Variants in ZNF154 observed in about 807,000 individuals in gnomAD.
ZNF154 encodes zinc finger protein 154, also known as zinc finger protein 154 (pHZ-92).
In ZNF154, 6 loss-of-function variants were observed where a neutral mutation model predicts 7.5. The ratio of observed to expected loss-of-function variants is 0.80; its 90% confidence interval spans 0.44 to 1.57. The LOEUF (loss-of-function observed/expected upper bound fraction) is 1.57. Among genes scored for constraint, ZNF154 ranks in the 40% most tolerant of loss-of-function variants. The pLI is 0.01. For synonymous variants in ZNF154, 187 were observed against 185.9 expected (o/e 1.01, Z -0.05); for missense variants, 485 against 531.4 (o/e 0.91, Z 0.86).
Position 57,702,669 on chromosome 19 carries a change from C to G in ZNF154, c.280G>C (p.Val94Leu). Residue 94 changes from valine to leucine, a missense_variant, in exon 3 of 3, where the codon GTT becomes CTT. Physicochemically the swap from Val to Leu is conservative, Grantham distance 32. Transcript: ENST00000684351. ...AACTTGGCCAGGAAGTCCTTCCCAA[C>G]TTCTCTGCAGGTGGAAGGCTCCCCT... ...VSGEPSTCRE[V>L]GKDFLAKLGF... 5.0e-6 allele frequency: 8 copies of G among 1,614,058 alleles called. No individual in the cohort carries two copies. Among genetic ancestry groups the G allele is most frequent in the Non-Finnish European group, 6.8e-6 (8 of 1,180,034 alleles).
intron 1 of ZNF154, among the ~76,000 whole-genome samples, chr19:57,706,513 CAA>C (rs1985400415): frequency 6.6e-6 from 1 of 152,198 alleles, no homozygotes; most frequent in Non-Finnish European, 1.5e-5. Context: ...TAGGCCCCAT[CAA>C]AGTCATCAAA....
chr19:57,707,614 C>G (rs1985444813), intron 1 of ZNF154, among the ~76,000 whole-genome samples: 1 of 152,158 alleles, frequency 6.6e-6, no homozygotes, highest in South Asian at 2.1e-4. Flanking sequence ...GATCACCTCC[C>G]TCTTGTAACC....
At chr19:57,707,642 C>G (rs983923318) in intron 1 of ZNF154, among the ~76,000 whole-genome samples, 1 of 152,166 alleles carries the variant, frequency 6.6e-6, no homozygotes, top group Non-Finnish European at 1.5e-5. Context: ...CTCATTACCT[C>G]CAGAATAGGT....
At position 57,701,914 on chromosome 19, in the gene ZNF154, A is replaced by G. The variant is rs759313525; in HGVS notation, c.1035T>C (p.Leu345=). The G allele has an allele frequency of 4.3e-6, 7 of 1,613,640 alleles. No individual in the cohort carries two copies. The African/African-American group carries it at 5.4e-5, about 12-fold the overall frequency. The part of the protein sequence containing the change: ...GKSFSQRSAL[L]QHRGVHTGER... The stretch of plus-strand genomic sequence containing the variant: ...CCCCAGTGTGAACTCCCCGATGTTG[A>G]AGGAGTGCAGACCTTTGGCTAAAGG... The change falls in exon 3 of 3, where the codon CTT becomes CTC. Residue 345 remains leucine, a synonymous_variant. Transcript: ENST00000684351.
Position 57,701,590 on chromosome 19 carries a change from T to C in ZNF154, c.*45A>G, listed in dbSNP as rs774634462. Reference sequence around the variant, plus strand: ...ATTCACTGTGTACTCAAGGACTTTCTCCAGGGTGCTAACAGATTTTCCACA... The same window carrying C: ...ATTCACTGTGTACTCAAGGACTTTCCCCAGGGTGCTAACAGATTTTCCACA... On this transcript the variant is annotated 3_prime_UTR_variant, in exon 3 of 3. Transcript: ENST00000684351. 2.0e-5 allele frequency: 31 copies of C among 1,580,322 alleles called. 2 individuals carry two copies. In the South Asian group the frequency reaches 3.6e-4, roughly 18 times the overall value.
rs541124184 is a variant in ZNF154 at position 57,696,336 on chromosome 19, A to G, written c.*5299T>C. Among the ~76,000 whole-genome samples, 6 of 152,196 alleles carry G rather than the reference A, an allele frequency of 3.9e-5. No homozygotes were observed. The East Asian group carries it at 1.2e-3, about 29-fold the overall frequency. On this transcript the variant is annotated 3_prime_UTR_variant, in exon 3 of 3. Coordinates refer to ENST00000684351, the MANE Select transcript of ZNF154 (RefSeq NM_001085384.3). The stretch of plus-strand genomic sequence containing the variant: ...ATTTCTCTTTCTCTTGTACCTTAAG[A>G]CCTGCCTGGATCAGGTAAATGATAA...
chr19:57,702,456 C>T lies in ZNF154; in HGVS notation c.493G>A (p.Glu165Lys). 6.2e-7 allele frequency: 1 copy of T among 1,614,226 alleles called. No homozygotes were observed. Among genetic ancestry groups the T allele is most frequent in the Non-Finnish European group, 8.5e-7 (1 of 1,180,032 alleles). ...LTTERCYICS[E>K]CGKSFSKSYS... is the part of the protein sequence containing the mutation. Reference sequence around the variant, plus strand: ...CTTTTGCTAAAGGATTTCCCACATTCACTGCATATGTAACATCTTTCTGTA... The same window carrying T: ...CTTTTGCTAAAGGATTTCCCACATTTACTGCATATGTAACATCTTTCTGTA... The change falls in exon 3 of 3, where the codon GAA (glutamate) becomes AAA (lysine). Residue 165 changes from glutamate to lysine, a missense_variant. Glu to Lys is a moderately conservative substitution (Grantham distance 56, BLOSUM62 1). Transcript: ENST00000684351.
chr19:57,708,837 C>T, intron 1 of ZNF154, 102 bp downstream of exon 1: 1 of 1,494,920 alleles, frequency 6.7e-7, no homozygotes, highest in Non-Finnish European at 9.1e-7. Context: ...GCCTCAGTGT[C>T]CCCGACCCTG....
In ZNF154 at chr19:57,702,084, T is replaced by C. The variant is rs1985177504; in HGVS notation, c.865A>G (p.Ile289Val). The change falls in exon 3 of 3, where the codon ATA becomes GTA. Residue 289 changes from isoleucine to valine, a missense_variant. Coordinates refer to ENST00000684351, the MANE Select transcript of ZNF154 (RefSeq NM_001085384.3). ...CCACTGTGAACTTTCTGGTGTTTTATGAGACTGGAATGATATGTAAAAAAC... is the reference window on the plus strand; with the variant it reads ...CCACTGTGAACTTTCTGGTGTTTTACGAGACTGGAATGATATGTAAAAAAC... Reference protein sequence around the residue: ...GKFFTYHSSLIKHQKVHSGSR... With the variant: ...GKFFTYHSSLVKHQKVHSGSR... 1.9e-6 allele frequency: 3 copies of C among 1,611,670 alleles called. No individual in the cohort carries two copies. The highest frequency in any genetic ancestry group is 4.5e-5 in the East Asian group (2 of 44,790).
Position 57,705,753 on chromosome 19 carries a change from CA to C in ZNF154, c.34-775del, listed in dbSNP as rs34250674. ...TGGGCGACAGAGCGAGACTCCGTCT[CA>C]AAAAAAAAAAAAAAAGAAAGATGAT... is the stretch of plus-strand genomic sequence containing the variant. On this transcript the variant is annotated intron_variant, in intron 1 of 2. Transcript: ENST00000684351. 4.0e-3 allele frequency among the ~76,000 whole-genome samples: 349 copies of C among 86,318 alleles called. 2 individuals carry two copies. Among genetic ancestry groups the C allele is most frequent in the Admixed American group, 8.6e-3 (79 of 9,158 alleles). 56.6% of individuals were successfully genotyped at this position (86,318 alleles called of 152,430 possible).
Position 57,704,913 on chromosome 19 carries a change from C to G in ZNF154, c.100G>C (p.Ala34Pro). 6.2e-7 allele frequency: 1 copy of G among 1,613,890 alleles called. No individual in the cohort carries two copies. The highest frequency in any genetic ancestry group is 8.5e-7 in the Non-Finnish European group (1 of 1,179,910). ...ACATCACGGTACAGGCATCTTTGAG[C>G]CTCATCAAGGAGACCCCATTCCTCC... is the stretch of plus-strand genomic sequence containing the variant. Reference protein sequence around the residue: ...SWEEWGLLDEAQRCLYRDVML... With the variant: ...SWEEWGLLDEPQRCLYRDVML... The change falls in exon 2 of 3, where the codon GCT becomes CCT. Residue 34 changes from alanine (A) to proline (P), a missense_variant. Ala to Pro is a conservative substitution (Grantham distance 27). Transcript: ENST00000684351.
chr19:57,706,515 A>G (rs1234629227), intron 1 of ZNF154, among the ~76,000 whole-genome samples: 1 of 152,198 alleles, frequency 6.6e-6, no homozygotes, highest in Non-Finnish European at 1.5e-5. Flanking sequence ...GGCCCCATCA[A>G]AGTCATCAAA....
Position 57,709,193 on chromosome 19 carries a change from A to G in ZNF154, c.-222T>C, listed in dbSNP as rs1004423885. 1 of 570,140 alleles carries G rather than the reference A, an allele frequency of 1.8e-6. No homozygotes were observed. Among genetic ancestry groups the G allele is most frequent in the African/African-American group, 1.9e-5 (1 of 51,664 alleles). 35.3% of individuals were successfully genotyped at this position (570,140 alleles called of 1,614,324 possible). A position where few individuals can be genotyped will look rare whatever the true frequency, so the allele number is the denominator to read the frequency against. The stretch of plus-strand genomic sequence containing the variant: ...GGTGAACACACCTCAGAGAAGCTAA[A>G]ATGGCCGCCACGAAGAGGCCCCCCC... On this transcript the variant is annotated 5_prime_UTR_variant, in exon 1 of 3. Transcript: ENST00000684351.
intron 2 of ZNF154, among the ~76,000 whole-genome samples, chr19:57,703,409 CG>C (rs1568462036): frequency 6.9e-6 from 1 of 144,486 alleles, no homozygotes; most frequent in African/African-American, 2.6e-5. Context: ...CACTTGAACC[CG>C]GGAGGCGGAG....
At chr19:57,705,491 C>A (rs1985348662) in intron 1 of ZNF154, among the ~76,000 whole-genome samples, 1 of 152,208 alleles carries the variant, frequency 6.6e-6, no homozygotes, top group African/African-American at 2.4e-5. Context: ...TATGGTGGCT[C>A]ATGCCTGTAA....
intron 1 of ZNF154, 68 bp downstream of exon 1, chr19:57,708,871 C>T (rs1985510023): frequency 3.3e-6 from 5 of 1,535,524 alleles, no homozygotes; most frequent in Middle Eastern, 1.7e-4. Context: ...CGAGCAGGCG[C>T]CCCTCACTGA....
rs1030415471 is a variant in ZNF154, at chr19:57,698,015, C to A, written c.*3620G>T. ...TATAAGCACTTTAAGTTCCATTATACCTCAAACTACTTTAAAAAACTACTC... is the reference window on the plus strand; with the variant it reads ...TATAAGCACTTTAAGTTCCATTATAACTCAAACTACTTTAAAAAACTACTC... On this transcript the variant is annotated 3_prime_UTR_variant, in exon 3 of 3. Coordinates refer to ENST00000684351, the MANE Select transcript of ZNF154 (RefSeq NM_001085384.3). The A allele has an allele frequency of 2.1e-4, 32 of 152,036 alleles. No individual in the cohort carries two copies. The highest frequency in any genetic ancestry group is 6.5e-4 in the African/African-American group (27 of 41,402). 9.4% of individuals were successfully genotyped at this position (152,036 alleles called of 1,614,324 possible).
Position 57,696,656 on chromosome 19 carries a change from G to C in ZNF154, c.*4979C>G. On this transcript the variant is annotated 3_prime_UTR_variant, in exon 3 of 3. Transcript: ENST00000684351. ...AGGGGGAGGCCAGAGCATGAAGGCA[G>C]AGGGAGGTTTTGGGTGCAGCCTCCA... 6.6e-6 allele frequency among the ~76,000 whole-genome samples: 1 copy of C among 152,220 alleles called. No homozygotes were observed. Among genetic ancestry groups the C allele is most frequent in the East Asian group, 1.9e-4 (1 of 5,190 alleles).
Position 57,709,148 on chromosome 19 carries a change from C to T in ZNF154, c.-177G>A. On this transcript the variant is annotated 5_prime_UTR_variant, in exon 1 of 3. Transcript: ENST00000684351. The stretch of plus-strand genomic sequence containing the variant: ...TCACGCCTTCGTGGCCCCAACTCGG[C>T]GCTCTGCTATCTCTGATCCGGTGAA... The T allele has an allele frequency of 1.3e-6, 1 of 786,904 alleles. No homozygotes were observed. The highest frequency in any genetic ancestry group is 2.1e-6 in the Non-Finnish European group (1 of 487,158). The allele number at this position is 786,904 out of a possible 1,614,324, so 48.7% of individuals were successfully genotyped here. A position where few individuals can be genotyped will look rare whatever the true frequency, so the allele number is the denominator to read the frequency against.
Sources: gnomAD v4.1 joint callset for allele counts (sites outside exome capture counted in the v4.1 genomes callset) on GRCh38, gnomAD v4.1.1 for gene constraint, MANE v1.5 for transcripts, NCBI Gene and HGNC (gene_info 2026-07-23, HGNC 2026-07-21) for gene names.